CFAP299: variants seen among roughly 807,000 people sequenced by gnomAD.
The protein encoded by CFAP299 is cilia and flagella associated protein 299, also known as cilia- and flagella-associated protein 299.
A neutral mutation model predicts 27.0 loss-of-function variants in CFAP299; 21 were observed. That is an observed-to-expected ratio of 0.78 (90% confidence interval 0.55 to 1.12). CFAP299 has a LOEUF of 1.12. CFAP299 is among the 50% of genes most tolerant of loss of function. The pLI is 0.00. For missense variants in CFAP299, 310 were observed against 276.6 expected, an observed-to-expected ratio of 1.12 and a Z score of -0.86; for synonymous variants, 104 against 98.1, an observed-to-expected ratio of 1.06 and a Z score of -0.36.
At chr4:80,324,401 A>G in the CFAP299 span, among the ~76,000 whole-genome samples, 2 of 152,208 alleles carry the variant, frequency 1.3e-5, no homozygotes, top group African/African-American at 4.8e-5. Context: ...AAAATCCTCA[A>G]AGTCCACTAA....
chr4:80,482,431 G>A (rs1342270554), intron 2 of CFAP299, among the ~76,000 whole-genome samples: 1 of 152,064 alleles, frequency 6.6e-6, no homozygotes, highest in African/African-American at 2.4e-5. Flanking sequence ...TCCAAGAAAT[G>A]AGAATATTTT....
At chr4:80,614,621 G>T (rs1037432228) in intron 3 of CFAP299, among the ~76,000 whole-genome samples, 2 of 152,166 alleles carry the variant, frequency 1.3e-5, no homozygotes, top group Non-Finnish European at 2.9e-5. Context: ...GGTTGACAGA[G>T]AAATTAGAAG....
intron 2 of CFAP299, among the ~76,000 whole-genome samples, chr4:80,530,331 GA>G (rs928047034): frequency 9.9e-5 from 15 of 152,018 alleles, no homozygotes; most frequent in African/African-American, 3.6e-4. Context: ...GATACTTCCT[GA>G]AATTGTCAAG....
intron 2 of CFAP299, among the ~76,000 whole-genome samples, chr4:80,528,736 A>G (rs761716972): frequency 2.0e-5 from 3 of 152,118 alleles, no homozygotes; most frequent in Non-Finnish European, 2.9e-5. Context: ...TGAGGTCATT[A>G]TATCCTAAAT....
intron 3 of CFAP299, among the ~76,000 whole-genome samples, chr4:80,758,309 A>G (rs1290185660): frequency 6.6e-6 from 1 of 152,140 alleles, no homozygotes; most frequent in East Asian, 1.9e-4. Context: ...CCCAGGCCAG[A>G]TGCCTCTCCA....
intron 4 of CFAP299, among the ~76,000 whole-genome samples, chr4:80,912,374 G>A (rs1365093617): frequency 1.3e-5 from 2 of 152,112 alleles, no homozygotes; most frequent in African/African-American, 2.4e-5. Flanking sequence ...TAGAATGAGC[G>A]AGAAAGGTTC....
chr4:80,803,938 T>C (rs1163302176), intron 3 of CFAP299, among the ~76,000 whole-genome samples: 3 of 152,034 alleles, frequency 2.0e-5, no homozygotes, highest in Non-Finnish European at 4.4e-5. Context: ...CTTAAGGTTC[T>C]GGGGGACATC....
Position 80,870,043 on chromosome 4 carries a change from A to G in CFAP299, c.384A>G (p.Gly128=). 1 of 1,613,760 alleles carries G rather than the reference A, an allele frequency of 6.2e-7. No individual in the cohort carries two copies. Among genetic ancestry groups the G allele is most frequent in the Non-Finnish European group, 8.5e-7 (1 of 1,179,724 alleles). Residue 128 remains glycine, a synonymous_variant, in exon 4 of 6, where the codon GGA becomes GGG. Transcript: ENST00000358105. ...ATTCTCATGGGCAAGAGATATCAGG[A>G]TACATCGACTATGCCCACAGGCTAA... ...DRNSHGQEIS[G]YIDYAHRLKT...
At chr4:80,855,745 T>C (rs1247323097) in intron 3 of CFAP299, among the ~76,000 whole-genome samples, 2 of 152,248 alleles carry the variant, frequency 1.3e-5, no homozygotes, top group Non-Finnish European at 2.9e-5. Context: ...CTCATCATTT[T>C]TTATGGCTGC....
rs562279010 is a variant in CFAP299 at position 80,745,203 on chromosome 4, G to A, written c.334-124790G>A. On this transcript the variant is annotated intron_variant, in intron 3 of 5. Coordinates refer to ENST00000358105, the MANE Select transcript of CFAP299 (RefSeq NM_152770.3). ...ATCTCATTTCATCCTAATCTCAGTC[G>A]TGTGAATTACATATTGTTGTCTCCA... 1.2e-4 allele frequency among the ~76,000 whole-genome samples: 18 copies of A among 152,228 alleles called. No individual in the cohort carries two copies. The East Asian group carries it at 2.1e-3, about 18-fold the overall frequency.
intron 2 of CFAP299, among the ~76,000 whole-genome samples, chr4:80,401,421 C>T (rs1228706379): frequency 2.6e-5 from 4 of 152,152 alleles, no homozygotes; most frequent in African/African-American, 9.7e-5. Context: ...CCCTATGTCT[C>T]AGCTGCTCCA....
intron 2 of CFAP299, among the ~76,000 whole-genome samples, chr4:80,550,966 T>C (rs1560619857): frequency 6.6e-6 from 1 of 152,064 alleles, no homozygotes; most frequent in Admixed American, 6.6e-5. Context: ...TAAAGAAACT[T>C]AAAAAAATAT....
intron 1 of CFAP299, among the ~76,000 whole-genome samples, chr4:80,356,862 C>T (rs1328992997): frequency 6.6e-6 from 1 of 152,066 alleles, no homozygotes; most frequent in Admixed American, 6.6e-5. Flanking sequence ...GCCAGAACTT[C>T]CAATGCTATG....
chr4:80,904,050 T>G (rs1410883089), intron 4 of CFAP299, among the ~76,000 whole-genome samples: 1 of 152,168 alleles, frequency 6.6e-6, no homozygotes, highest in African/African-American at 2.4e-5. Context: ...TTAGACCCTA[T>G]ATAGAGCAGT....
intron 3 of CFAP299, among the ~76,000 whole-genome samples, chr4:80,858,348 C>CA (rs1213383195): frequency 6.6e-6 from 1 of 151,868 alleles, no homozygotes; most frequent in African/African-American, 2.4e-5. Context: ...TTGATCCTTT[C>CA]AAAAAACCAG....
In CFAP299 at chr4:80,355,516, C is replaced by T. The variant is rs146375091; in HGVS notation, c.112-7238C>T. 7.9e-3 allele frequency among the ~76,000 whole-genome samples: 1,196 copies of T among 152,108 alleles called. 14 individuals carry two copies. The highest frequency in any genetic ancestry group is 0.027 in the African/African-American group (1,110 of 41,512). On this transcript the variant is annotated intron_variant, in intron 1 of 5. Transcript: ENST00000358105. ...GGGATTACAGGCGCATGCCACCACA[C>T]CTGACTAATGTTTTGTATTTTTAGT...
chr4:80,592,682 A>G (rs1195544962), intron 3 of CFAP299, among the ~76,000 whole-genome samples: 1 of 152,208 alleles, frequency 6.6e-6, no homozygotes, highest in Non-Finnish European at 1.5e-5. Flanking sequence ...ACTCTTTAAA[A>G]TTTATGAAAA....
chr4:80,642,223 G>A (rs1234089179), intron 3 of CFAP299, among the ~76,000 whole-genome samples: 1 of 152,176 alleles, frequency 6.6e-6, no homozygotes, highest in East Asian at 1.9e-4. Context: ...GCATCTGGTT[G>A]GAGGGGATAT....
Position 80,575,269 on chromosome 4 carries a change from C to G in CFAP299, c.243-7824C>G, listed in dbSNP as rs558949910. 3.3e-5 allele frequency among the ~76,000 whole-genome samples: 5 copies of G among 152,002 alleles called. No homozygotes were observed. The South Asian group carries it at 1.0e-3, about 32-fold the overall frequency. On this transcript the variant is annotated intron_variant, in intron 2 of 5. Transcript: ENST00000358105. ...GGCATAGAGTTACTCATAGTAGCCT[C>G]TAATAATCCTTTGAATTTCTGCAGT...
Sources: allele counts gnomAD v4.1 joint callset (sites outside exome capture counted in the v4.1 genomes callset), GRCh38; gene constraint gnomAD v4.1.1; transcripts MANE v1.5; gene names NCBI Gene and HGNC (gene_info 2026-07-23, HGNC 2026-07-21).